The following REPS2 variants were observed in gnomAD, a reference collection of about 807,000 sequenced individuals.
REPS2 encodes ralBP1-associated Eps domain-containing protein 2.
In REPS2, 23 loss-of-function variants were observed where a neutral mutation model predicts 53.6. The ratio of observed to expected loss-of-function variants is 0.43; its 90% CI spans 0.31 to 0.61. REPS2 has a LOEUF of 0.61. Among genes scored for constraint, REPS2 ranks in the 20% least tolerant of loss-of-function variants. REPS2 has a pLI of 0.11. For missense variants in REPS2, 446 were observed against 534.9 expected (o/e 0.83, Z 1.64); for synonymous variants, 238 against 218.6 (o/e 1.09, Z -0.78).
At chrX:17,085,470 G>T (rs984999942) in intron 13 of REPS2, among the ~76,000 whole-genome samples, 4 of 111,862 alleles carry the variant, frequency 3.6e-5, no homozygotes, top group African/African-American at 1.3e-4. Context: ...AGTTTGGTTA[G>T]TATTGCGGTT....
chrX:16,952,779 A>G (rs770699760), intron 1 of REPS2, among the ~76,000 whole-genome samples: 1 of 111,938 alleles, frequency 8.9e-6, no homozygotes, highest in East Asian at 2.8e-4. Context: ...ACATCTTTAG[A>G]TCATATCATT....
chrX:17,034,996 C>G (rs2061749407), intron 5 of REPS2, among the ~76,000 whole-genome samples: 1 of 110,037 alleles, frequency 9.1e-6, no homozygotes, highest in Admixed American at 9.7e-5. Flanking sequence ...AGTTTCTTGC[C>G]GTACCTCCTC....
At chrX:17,004,160 AAAG>A (rs1450842392) in intron 1 of REPS2, among the ~76,000 whole-genome samples, 8 of 111,375 alleles carry the variant, frequency 7.2e-5, no homozygotes, top group African/African-American at 2.6e-4. Flanking sequence ...AGTTTAGACT[AAAG>A]AAGAGGAGTG....
intron 13 of REPS2, among the ~76,000 whole-genome samples, chrX:17,092,604 C>T (rs982710136): frequency 7.3e-5 from 8 of 109,225 alleles, no homozygotes; most frequent in African/African-American, 2.7e-4. Context: ...TAACACTTGA[C>T]GAATAAACCT....
At chrX:17,120,538 T>G (rs1383693423) in intron 14 of REPS2, among the ~76,000 whole-genome samples, 2 of 111,665 alleles carry the variant, frequency 1.8e-5, no homozygotes, top group Non-Finnish European at 3.8e-5. Flanking sequence ...TCAATAACAT[T>G]TAGCTGTTAT....
rs1555906117 is a variant in REPS2, at chrX:16,951,560, C to CACACA, written c.273+4426_273+4427insACACA. ...ACACACACACACACACACACACACA[C>CACACA]CCCCGCTACCTACCTCTCTCTGGGG... is the stretch of plus-strand genomic sequence containing the variant. On this transcript the variant is annotated intron_variant, in intron 1 of 17. Coordinates refer to ENST00000357277, the MANE Select transcript of REPS2 (RefSeq NM_004726.3). 5.7e-3 allele frequency among the ~76,000 whole-genome samples: 113 copies of CACACA among 19,904 alleles called. 5 individuals are homozygous for CACACA. The highest frequency in any genetic ancestry group is 0.042 in the East Asian group (13 of 309). The allele number at this position is 19,904 out of a possible 115,157, so 17.3% of individuals were successfully genotyped here.
At chrX:17,055,896 C>T (rs1238532431) in intron 8 of REPS2, among the ~76,000 whole-genome samples, 2 of 100,204 alleles carry the variant, frequency 2.0e-5, no homozygotes, top group Non-Finnish European at 2.0e-5. Context: ...CTAGATGACA[C>T]GTTAGTGGGT....
At chrX:17,054,556 T>G (rs1466057875) in intron 7 of REPS2, among the ~76,000 whole-genome samples, 1 of 112,284 alleles carries the variant, frequency 8.9e-6, no homozygotes, top group Non-Finnish European at 1.9e-5. Context: ...CTCAGTGTTG[T>G]AAGACACACC....
chrX:17,046,159 A>T (rs543432742), intron 5 of REPS2, among the ~76,000 whole-genome samples: 18 of 98,089 alleles, frequency 1.8e-4, no homozygotes, highest in South Asian at 1.4e-3. Flanking sequence ...ATTTTTATTT[A>T]TTTTTTTTTT....
chrX:17,036,696 A>G (rs151114373), intron 5 of REPS2, among the ~76,000 whole-genome samples: 13 of 112,011 alleles, frequency 1.2e-4, no homozygotes, highest in African/African-American at 4.2e-4. Flanking sequence ...CTAAAAAAAA[A>G]TCCTCTGTTG....
rs1331535315 is a variant in REPS2 at position 17,025,102 on chromosome X, C to T, written c.590C>T (p.Pro197Leu). The T allele has an allele frequency of 3.3e-6, 4 of 1,209,996 alleles. No individual in the cohort carries two copies. Among genetic ancestry groups the T allele is most frequent in the Non-Finnish European group, 3.4e-6 (3 of 895,185 alleles). Residue 197 changes from proline to leucine, a missense_variant, in exon 4 of 18, where the codon CCT becomes CTT. Physicochemically the swap from Pro to Leu is moderately conservative, Grantham distance 98 (BLOSUM62 -3). Transcript: ENST00000357277. Reference sequence around the variant, plus strand: ...ACGATGTCACCCCTCGCCTCCCCTCCTTCTTCCCCGCCTCATTACCAGAGG... The same window carrying T: ...ACGATGTCACCCCTCGCCTCCCCTCTTTCTTCCCCGCCTCATTACCAGAGG... ...SPTMSPLASP[P>L]SSPPHYQRVP...
chrX:17,047,795 G>T (rs961922789), intron 6 of REPS2, among the ~76,000 whole-genome samples: 1 of 112,874 alleles, frequency 8.9e-6, no homozygotes, highest in Non-Finnish European at 1.9e-5. Context: ...TTGCTTCCTC[G>T]TTATATTAGA....
At chrX:17,175,541 T>C in the REPS2 span, among the ~76,000 whole-genome samples, 1 of 112,183 alleles carries the variant, frequency 8.9e-6, no homozygotes, top group African/African-American at 3.2e-5. Context: ...CTAGTTTTTT[T>C]GTGTGAGTTT....
intron 2 of REPS2, among the ~76,000 whole-genome samples, chrX:17,007,751 C>A (rs752305222): frequency 8.9e-6 from 1 of 112,291 alleles, no homozygotes; most frequent in Non-Finnish European, 1.9e-5. Flanking sequence ...AAGGAGAGGA[C>A]AACTGCGAGT....
intron 9 of REPS2, among the ~76,000 whole-genome samples, chrX:17,068,032 G>T (rs1005648653): frequency 8.9e-6 from 1 of 111,935 alleles, no homozygotes; most frequent in African/African-American, 3.2e-5. Flanking sequence ...AGACATTTTC[G>T]GCTGGGCGCG....
chrX:17,018,650 A>G (rs1430410907), intron 2 of REPS2, among the ~76,000 whole-genome samples: 2 of 102,173 alleles, frequency 2.0e-5, no homozygotes, highest in South Asian at 4.5e-4. Context: ...GGCAGATAAC[A>G]TTGAAAGACT....
the REPS2 span, among the ~76,000 whole-genome samples, chrX:17,167,216 CA>C: frequency 8.9e-6 from 1 of 111,999 alleles, no homozygotes; most frequent in Non-Finnish European, 1.9e-5. Context: ...AACTATGCCA[CA>C]ATGTTTTCAG....
chrX:17,162,632 A>C, the REPS2 span, among the ~76,000 whole-genome samples: 1 of 112,837 alleles, frequency 8.9e-6, no homozygotes, highest in African/African-American at 3.2e-5. Context: ...TTAAAGAAAA[A>C]TGGCTGCATC....
intron 4 of REPS2, among the ~76,000 whole-genome samples, chrX:17,027,659 G>GTTTTTTTTTTTTTTT: frequency 3.0e-5 from 2 of 67,270 alleles, no homozygotes; most frequent in Non-Finnish European, 5.3e-5. Flanking sequence ...AAATCTTTAG[G>GTTTTTTTTTTTTTTT]TTTTTTTTTT....
Sources: gnomAD v4.1 joint callset for allele counts (sites outside exome capture counted in the v4.1 genomes callset) on GRCh38, gnomAD v4.1.1 for gene constraint, MANE v1.5 for transcripts, NCBI Gene and HGNC (gene_info 2026-07-23, HGNC 2026-07-21) for gene names.